Variants in ZNF492 observed in about 807,000 individuals in gnomAD.
The protein encoded by ZNF492 is zinc finger protein 115 (Y20).
In ZNF492, 3 loss-of-function variants were observed where a neutral mutation model predicts 6.4. The ratio of observed to expected loss-of-function variants is 0.47; its 90% CI spans 0.21 to 1.22. ZNF492 has a LOEUF of 1.22. Ranked by LOEUF, ZNF492 falls within the 50% of genes most tolerant of loss-of-function variation. The pLI is 0.22. For missense variants in ZNF492, 356 were observed against 612.5 expected (o/e 0.58, Z 4.42); for synonymous variants, 112 against 205.3 (o/e 0.55, Z 3.89).
At chr19:22,639,101 A>G (rs1971798179) in intron 1 of ZNF492, among the ~76,000 whole-genome samples, 1 of 151,968 alleles carries the variant, frequency 6.6e-6, no homozygotes, top group South Asian at 2.1e-4. Flanking sequence ...CAGCCTCCCA[A>G]AGTGCTGGGA....
chr19:22,641,605 C>T (rs1335461799), intron 1 of ZNF492, among the ~76,000 whole-genome samples: 1 of 152,104 alleles, frequency 6.6e-6, no homozygotes, highest in African/African-American at 2.4e-5. Flanking sequence ...CTGTAGAAAT[C>T]TATTAGGACT....
intron 3 of ZNF492, among the ~76,000 whole-genome samples, chr19:22,657,466 A>G (rs1340112886): frequency 6.6e-6 from 1 of 152,108 alleles, no homozygotes; most frequent in Non-Finnish European, 1.5e-5. Flanking sequence ...TTGTCATTAG[A>G]GTCTTCTGTT....
chr19:22,639,645 A>T (rs1425833422), intron 1 of ZNF492, among the ~76,000 whole-genome samples: 4 of 146,050 alleles, frequency 2.7e-5, no homozygotes, highest in African/African-American at 1.1e-4. Context: ...TGGGAGGCAG[A>T]GGTTGCAGTG....
At chr19:22,650,416 A>G (rs1249842736) in intron 1 of ZNF492, among the ~76,000 whole-genome samples, 1 of 151,508 alleles carries the variant, frequency 6.6e-6, no homozygotes, top group Non-Finnish European at 1.5e-5. Context: ...AACAGAACCC[A>G]TTTAATGAAG....
At chr19:22,662,739 G>A (rs1359605078) in intron 3 of ZNF492, among the ~76,000 whole-genome samples, 4 of 151,520 alleles carry the variant, frequency 2.6e-5, no homozygotes, top group African/African-American at 7.3e-5. Context: ...CTTCTTTTGA[G>A]AAGTGTCTGT....
In ZNF492 at chr19:22,655,234, C is replaced by T. The variant is rs1015571460; in HGVS notation, c.130+1219C>T. Among the ~76,000 whole-genome samples, 28 of 151,108 alleles carry T rather than the reference C, an allele frequency of 1.9e-4. No individual in the cohort carries two copies. In the East Asian group the frequency reaches 2.8e-3, roughly 15 times the overall value. ...GCTTGAACCTGGTAGGCAGAGGTTGCAGTGAGCTGAGATTGCACCACTACA... is the reference window on the plus strand; with the variant it reads ...GCTTGAACCTGGTAGGCAGAGGTTGTAGTGAGCTGAGATTGCACCACTACA... On this transcript the variant is annotated intron_variant, in intron 3 of 3. Coordinates refer to ENST00000456783, the MANE Select transcript of ZNF492 (RefSeq NM_020855.3).
At position 22,654,033 on chromosome 19, in the gene ZNF492, T is replaced by G; in HGVS notation, c.130+18T>G. On this transcript the variant is annotated intron_variant, in intron 3 of 3. Coordinates refer to ENST00000456783, the MANE Select transcript of ZNF492 (RefSeq NM_020855.3). ...ACCCCCAGGTAGGTGAGAGTGAAAG[T>G]GAATACAACAGATGACACAGATGAG... 7 of 1,578,036 alleles carry G rather than the reference T, an allele frequency of 4.4e-6. No individual in the cohort carries two copies. Among genetic ancestry groups the G allele is most frequent in the Non-Finnish European group, 6.0e-6 (7 of 1,168,354 alleles).
chr19:22,641,144 G>A (rs1971821821), intron 1 of ZNF492, among the ~76,000 whole-genome samples: 1 of 152,038 alleles, frequency 6.6e-6, no homozygotes, highest in African/African-American at 2.4e-5. Flanking sequence ...TGCTAGCTTA[G>A]GGGTTGATTT....
intron 1 of ZNF492, among the ~76,000 whole-genome samples, chr19:22,650,159 A>G (rs1383377670): frequency 3.3e-5 from 5 of 151,910 alleles, no homozygotes; most frequent in Admixed American, 6.6e-5. Flanking sequence ...TTTTCTTTCA[A>G]TGGTCAGATC....
chr19:22,659,303 G>A (rs977141401), intron 3 of ZNF492, among the ~76,000 whole-genome samples: 16 of 149,724 alleles, frequency 1.1e-4, no homozygotes, highest in African/African-American at 3.8e-4. Context: ...GTAATAAGAG[G>A]AGGTCTATCA....
At chr19:22,655,813 GTTGTT>G (rs1254672917) in intron 3 of ZNF492, among the ~76,000 whole-genome samples, 1 of 64,908 alleles carries the variant, frequency 1.5e-5, no homozygotes, top group African/African-American at 7.8e-5. Context: ...AGTTTTTCTT[GTTGTT>G]TTTTTTTTTT....
At chr19:22,661,578 A>C (rs1446768930) in intron 3 of ZNF492, among the ~76,000 whole-genome samples, 4 of 151,658 alleles carry the variant, frequency 2.6e-5, no homozygotes, top group African/African-American at 9.7e-5. Flanking sequence ...GTTTTTAGTC[A>C]GAGGAGTTTA....
At chr19:22,648,254 C>T (rs1401010383) in intron 1 of ZNF492, among the ~76,000 whole-genome samples, 1 of 152,124 alleles carries the variant, frequency 6.6e-6, no homozygotes, top group Non-Finnish European at 1.5e-5. Context: ...TAAATGTGTG[C>T]TTTTGAGTAA....
chr19:22,649,360 A>AT (rs1212205051), intron 1 of ZNF492, among the ~76,000 whole-genome samples: 3 of 151,792 alleles, frequency 2.0e-5, no homozygotes, highest in East Asian at 3.9e-4. Flanking sequence ...TACCCTTAAC[A>AT]TTTTTTTGTC....
intron 3 of ZNF492, among the ~76,000 whole-genome samples, chr19:22,655,816 GTTTTTTTTTTT>G (rs987078429): frequency 1.9e-5 from 1 of 51,786 alleles, no homozygotes; most frequent in Non-Finnish European, 3.9e-5. Flanking sequence ...TTTTCTTGTT[GTTTTTTTTTTT>G]TTTTTTTTTT....
intron 1 of ZNF492, among the ~76,000 whole-genome samples, chr19:22,650,376 GAGT>G (rs1010217393): frequency 6.6e-6 from 1 of 152,142 alleles, no homozygotes. Context: ...ACCCCAGTTG[GAGT>G]ATCTCACCCA....
At chr19:22,663,253 TG>T (rs1469564480) in intron 3 of ZNF492, among the ~76,000 whole-genome samples, 17 of 151,882 alleles carry the variant, frequency 1.1e-4, no homozygotes, top group Non-Finnish European at 1.5e-5. Context: ...TGTAGATGTG[TG>T]GTGTTATTTC....
At chr19:22,648,345 C>T (rs1971905393) in intron 1 of ZNF492, among the ~76,000 whole-genome samples, 1 of 152,158 alleles carries the variant, frequency 6.6e-6, no homozygotes, top group African/African-American at 2.4e-5. Flanking sequence ...GTTGCATTGG[C>T]TGAGGAGAGT....
At chr19:22,642,115 A>G (rs975675480) in intron 1 of ZNF492, among the ~76,000 whole-genome samples, 4 of 152,080 alleles carry the variant, frequency 2.6e-5, no homozygotes, top group Non-Finnish European at 4.4e-5. Flanking sequence ...GTTTATTATA[A>G]CATCTTTCTC....
Sources: allele counts gnomAD v4.1 joint callset (sites outside exome capture counted in the v4.1 genomes callset), GRCh38; gene constraint gnomAD v4.1.1; transcripts MANE v1.5; gene names NCBI Gene and HGNC (gene_info 2026-07-23, HGNC 2026-07-21).